Variants in SLC43A2 observed in about 807,000 individuals in gnomAD.
SLC43A2 encodes the protein large neutral amino acids transporter small subunit 4.
Under a neutral mutation model 63.2 loss-of-function variants are expected in SLC43A2, and 38 were observed. The observed-to-expected ratio is 0.60, with a 90% CI of 0.46 to 0.79. SLC43A2 has a LOEUF of 0.79. SLC43A2 is among the 30% of genes least tolerant of loss of function. SLC43A2 has a pLI of 0.00. For synonymous variants in SLC43A2, 322 were observed against 331.0 expected (o/e 0.97, Z 0.30); for missense variants, 644 against 756.2 (o/e 0.85, Z 1.74).
chr17:1,619,485 C>T (rs1356308731), intron 2 of SLC43A2, among the ~76,000 whole-genome samples: 1 of 152,174 alleles, frequency 6.6e-6, no homozygotes. Flanking sequence ...CCCACCTCGG[C>T]CACTTTCTCT....
chr17:1,606,653 A>G lies in SLC43A2; in HGVS notation c.501+6542T>C, dbSNP rs1018239783. Among the ~76,000 whole-genome samples, 1 of 152,230 alleles carries G rather than the reference A, an allele frequency of 6.6e-6. No homozygotes were observed. The highest frequency in any genetic ancestry group is 2.4e-5 in the African/African-American group (1 of 41,466). On this transcript the variant is annotated intron_variant, in intron 5 of 13. Coordinates refer to ENST00000301335, the MANE Select transcript of SLC43A2 (RefSeq NM_152346.3). The surrounding 1 kb of genome is among the most constrained non-coding windows in gnomAD (Gnocchi z 4.7). ...GCCGGCCGTGTTTGTGCTCCAGCCG[A>G]TGAAGCGAGTGCAAAGGGCTGTACA...
At chr17:1,598,349 A>G (rs1304330791) in intron 5 of SLC43A2, among the ~76,000 whole-genome samples, 1 of 151,080 alleles carries the variant, frequency 6.6e-6, no homozygotes, top group Non-Finnish European at 1.5e-5. Context: ...TGAATCCAGG[A>G]GGCAGAGGTT....
intron 2 of SLC43A2, 47 bp downstream of exon 2, chr17:1,627,662 CTCCCAA>C: frequency 2.2e-6 from 2 of 918,010 alleles, no homozygotes; most frequent in African/African-American, 1.9e-5. Flanking sequence ...ATCCCGCCCC[CTCCCAA>C]AGCCCCAGCT....
intron 9 of SLC43A2, chr17:1,586,895 G>A: frequency 1.3e-6 from 2 of 1,525,880 alleles, no homozygotes; most frequent in Non-Finnish European, 1.8e-6. Flanking sequence ...ACAGAGACTG[G>A]CTGGGAGGGG....
At position 1,576,656 on chromosome 17, in the gene SLC43A2, G is replaced by A. The variant is rs776842208; in HGVS notation, c.1489C>T (p.Leu497Phe). ...LQSLISALFALLQQPLFLAMM... is the reference protein window; with the variant it reads ...LQSLISALFAFLQQPLFLAMM... Reference sequence around the variant, plus strand: ...GCCAGAAACAGCGGCTGCTGCAGAAGGGCGAAGAGCGCGCTGATCAGAGAC... The same window carrying A: ...GCCAGAAACAGCGGCTGCTGCAGAAAGGCGAAGAGCGCGCTGATCAGAGAC... Residue 497 changes from leucine (L) to phenylalanine (F), a missense_variant, in exon 13 of 14, where the codon CTT becomes TTT. Leu to Phe is a conservative substitution (Grantham distance 22). Around this residue, in one of 3 missense-constraint regions of SLC43A2, gnomAD observed 105 missense variants for 101.7 expected, o/e 1.03. Transcript: ENST00000301335. 3 of 1,610,800 alleles carry A rather than the reference G, an allele frequency of 1.9e-6. No individual in the cohort carries two copies. In the African/African-American group the frequency reaches 4.0e-5, roughly 21 times the overall value.
intron 2 of SLC43A2, among the ~76,000 whole-genome samples, chr17:1,626,784 G>A (rs1908702389): frequency 6.6e-6 from 1 of 152,204 alleles, no homozygotes; most frequent in Admixed American, 6.5e-5. Flanking sequence ...GGGATTATGT[G>A]AGCTCAGCTA....
chr17:1,624,522 G>A (rs1326388452), intron 2 of SLC43A2, among the ~76,000 whole-genome samples: 2 of 151,906 alleles, frequency 1.3e-5, no homozygotes, highest in African/African-American at 4.8e-5. Flanking sequence ...GGCCAACATG[G>A]TAAAACCACA....
chr17:1,586,928 T>TGCCCCCCCCCCCCCCC, intron 9 of SLC43A2: 2 of 1,232,894 alleles, frequency 1.6e-6, no homozygotes, highest in Non-Finnish European at 2.2e-6. Flanking sequence ...TCCCTGACAA[T>TGCCCCCCCCCCCCCCC]CCCCCCCACC....
At chr17:1,621,695 G>A (rs2151080775) in intron 2 of SLC43A2, among the ~76,000 whole-genome samples, 1 of 152,316 alleles carries the variant, frequency 6.6e-6, no homozygotes, top group East Asian at 1.9e-4. Context: ...TCCCCACGAG[G>A]ATACTGTCAG....
At chr17:1,624,787 C>A (rs1444070316) in intron 2 of SLC43A2, among the ~76,000 whole-genome samples, 2 of 151,248 alleles carry the variant, frequency 1.3e-5, no homozygotes, top group East Asian at 4.0e-4. Context: ...GCTACTGCTA[C>A]TCGGGAGGCT....
rs368973298 is a variant in SLC43A2, at chr17:1,583,371, C to T, written c.1218-35G>A. 31 of 1,607,362 alleles carry T rather than the reference C, an allele frequency of 1.9e-5. No individual in the cohort carries two copies. In the Admixed American group the frequency reaches 2.0e-4, roughly 10 times the overall value. ...CACAGAACGTGCAGGGGTGGGAGGG[C>T]TCCCCGGAGGAAGCCGGGTGCTCCT... On this transcript the variant is annotated intron_variant, in intron 10 of 13. Transcript: ENST00000301335. This position sits in a 1 kb window ranked among gnomAD's most constrained non-coding sequence, Gnocchi z 5.5.
chr17:1,612,077 G>A (rs1266746136), intron 5 of SLC43A2, among the ~76,000 whole-genome samples: 1 of 152,084 alleles, frequency 6.6e-6, no homozygotes, highest in Non-Finnish European at 1.5e-5. Flanking sequence ...CAATTCTCCC[G>A]CCTCAGCCTC....
rs766774486 is a variant in SLC43A2 at position 1,583,633 on chromosome 17, C to T, written c.1218-297G>A. On this transcript the variant is annotated intron_variant, in intron 10 of 13. Coordinates refer to ENST00000301335, the MANE Select transcript of SLC43A2 (RefSeq NM_152346.3). The surrounding 1 kb of genome is among the most constrained non-coding windows in gnomAD (Gnocchi z 5.5). ...AAGACGACGGGGAGAGAAGTAGCAG[C>T]GTGTGCCTGAGCTGGCACATGGCAA... 2 of 327,240 alleles carry T rather than the reference C, an allele frequency of 6.1e-6. No individual in the cohort carries two copies. Among genetic ancestry groups the T allele is most frequent in the South Asian group, 5.9e-5 (1 of 16,872 alleles). 20.3% of individuals were successfully genotyped at this position (327,240 alleles called of 1,614,324 possible).
At chr17:1,602,730 T>A (rs543498346) in intron 5 of SLC43A2, among the ~76,000 whole-genome samples, 1 of 151,936 alleles carries the variant, frequency 6.6e-6, no homozygotes, top group Non-Finnish European at 1.5e-5. Context: ...TCATTTAACT[T>A]CTTAATTCAT....
intron 9 of SLC43A2, chr17:1,586,895 G>C: frequency 1.3e-6 from 2 of 1,525,880 alleles, no homozygotes; most frequent in South Asian, 1.2e-5. Context: ...ACAGAGACTG[G>C]CTGGGAGGGG....
chr17:1,607,115 C>T (rs564184983), intron 5 of SLC43A2, among the ~76,000 whole-genome samples: 5 of 91,200 alleles, frequency 5.5e-5, no homozygotes, highest in South Asian at 4.9e-4. Context: ...AGGAAGTCCC[C>T]GAATTAAGGC....
chr17:1,608,934 T>G (rs1054815086), intron 5 of SLC43A2, among the ~76,000 whole-genome samples: 1 of 152,128 alleles, frequency 6.6e-6, no homozygotes, highest in African/African-American at 2.4e-5. Context: ...GAAAGAGCTC[T>G]TACGAGTCAC....
chr17:1,580,327 C>T (rs772834870), intron 11 of SLC43A2, among the ~76,000 whole-genome samples: 9 of 152,186 alleles, frequency 5.9e-5, no homozygotes, highest in Admixed American at 1.3e-4. Flanking sequence ...AGTGCATGTG[C>T]ACCGTGGAAG....
At chr17:1,600,006 T>G (rs1366635979) in intron 5 of SLC43A2, among the ~76,000 whole-genome samples, 34 of 145,624 alleles carry the variant, frequency 2.3e-4, no homozygotes, top group Admixed American at 1.8e-3. Flanking sequence ...ATTGCGCCAC[T>G]GCACTCCAGC....
Sources: gnomAD v4.1 joint callset for allele counts (sites outside exome capture counted in the v4.1 genomes callset) on GRCh38, gnomAD v4.1.1 for gene constraint, gnomAD v4.1.1 regional missense constraint, Gnocchi (gnomAD v3.1) non-coding constraint, MANE v1.5 for transcripts, NCBI Gene and HGNC (gene_info 2026-07-23, HGNC 2026-07-21) for gene names.